CNTNAP5: variants seen among roughly 807,000 people sequenced by gnomAD.
The protein encoded by CNTNAP5 is contactin associated protein family member 5.
In CNTNAP5, 72 loss-of-function variants were observed where a neutral mutation model predicts 150.2. The ratio of observed to expected loss-of-function variants is 0.48; its 90% CI spans 0.40 to 0.58. The LOEUF is 0.58. Among genes scored for constraint, CNTNAP5 ranks in the 20% least tolerant of loss-of-function variants. The probability of loss-of-function intolerance (pLI) is 0.00; values close to 1 mark genes in which losing one functional copy is unlikely to be tolerated. For synonymous variants in CNTNAP5, 672 were observed against 619.8 expected (o/e 1.08, Z -1.25); for missense variants, 1,636 against 1,626.2 (o/e 1.01, Z -0.10).
At chr2:124,582,305 C>A (rs1244936031) in intron 11 of CNTNAP5, among the ~76,000 whole-genome samples, 1 of 152,116 alleles carries the variant, frequency 6.6e-6, no homozygotes, top group African/African-American at 2.4e-5. Context: ...TGTTGCTCAC[C>A]TGGCTTTACT....
At chr2:124,864,546 G>GTCTC (rs374205214) in intron 19 of CNTNAP5, among the ~76,000 whole-genome samples, 10 of 133,922 alleles carry the variant, frequency 7.5e-5, no homozygotes, top group African/African-American at 2.9e-4. Context: ...CTCTCTCTCT[G>GTCTC]TCTCTCTCTC....
chr2:124,363,705 T>C (rs988285315), intron 3 of CNTNAP5, among the ~76,000 whole-genome samples: 2 of 152,192 alleles, frequency 1.3e-5, no homozygotes, highest in African/African-American at 4.8e-5. Context: ...TTAAGTATTC[T>C]TACCACATAC....
At chr2:124,648,028 A>G (rs892445101) in intron 13 of CNTNAP5, 70 bp downstream of exon 13, 5 of 1,425,386 alleles carry the variant, frequency 3.5e-6, no homozygotes, top group Non-Finnish European at 3.8e-6. Context: ...TAGGCAAAGG[A>G]AAATTTGCCA....
intron 1 of CNTNAP5, among the ~76,000 whole-genome samples, chr2:124,043,586 G>A (rs1181158792): frequency 1.3e-5 from 2 of 151,692 alleles, no homozygotes; most frequent in Non-Finnish European, 2.9e-5. Flanking sequence ...TCTCCTATTT[G>A]TAGTGTATTC....
intron 3 of CNTNAP5, among the ~76,000 whole-genome samples, chr2:124,342,613 G>T (rs1689644954): frequency 6.6e-6 from 1 of 152,076 alleles, no homozygotes; most frequent in South Asian, 2.1e-4. Context: ...AATTCGTATT[G>T]AACTTAGGTA....
At chr2:124,538,924 A>G (rs907515402) in intron 10 of CNTNAP5, among the ~76,000 whole-genome samples, 4 of 152,176 alleles carry the variant, frequency 2.6e-5, no homozygotes, top group Non-Finnish European at 5.9e-5. Context: ...TCTGTTTCTC[A>G]TGTTCTCTAA....
intron 10 of CNTNAP5, among the ~76,000 whole-genome samples, chr2:124,538,464 T>A (rs1346265922): frequency 6.7e-6 from 1 of 149,636 alleles, no homozygotes; most frequent in Admixed American, 6.7e-5. Flanking sequence ...GGTGACACAG[T>A]GTGTGAGACT....
At chr2:124,494,264 G>T (rs1319473590) in intron 7 of CNTNAP5, among the ~76,000 whole-genome samples, 1 of 152,076 alleles carries the variant, frequency 6.6e-6, no homozygotes, top group African/African-American at 2.4e-5. Context: ...TAACTCTCAG[G>T]CTGAGGCCAA....
At chr2:124,828,917 G>C (rs1444731658) in intron 19 of CNTNAP5, among the ~76,000 whole-genome samples, 2 of 151,928 alleles carry the variant, frequency 1.3e-5, no homozygotes, top group African/African-American at 2.4e-5. Flanking sequence ...TACATATGGG[G>C]GTGGGGGTTC....
At chr2:124,402,529 C>A (rs1193718655) in intron 3 of CNTNAP5, among the ~76,000 whole-genome samples, 2 of 152,196 alleles carry the variant, frequency 1.3e-5, no homozygotes, top group Admixed American at 6.5e-5. Flanking sequence ...GCCAGCTTTT[C>A]TCTAGTGTTG....
At chr2:124,876,962 G>T (rs577002958) in intron 21 of CNTNAP5, among the ~76,000 whole-genome samples, 1 of 152,024 alleles carries the variant, frequency 6.6e-6, no homozygotes, top group Admixed American at 6.6e-5. Flanking sequence ...TCCCAAACAC[G>T]CATGTCTTAT....
At chr2:124,791,693 C>CT (rs538796535) in intron 18 of CNTNAP5, among the ~76,000 whole-genome samples, 6,598 of 115,322 alleles carry the variant, frequency 0.057, 539 homozygotes, top group African/African-American at 0.17. Context: ...AGCCTAATTT[C>CT]TTTTTTTTTT....
intron 3 of CNTNAP5, among the ~76,000 whole-genome samples, chr2:124,308,691 G>A (rs1480740628): frequency 1.3e-5 from 2 of 152,064 alleles, no homozygotes; most frequent in Non-Finnish European, 2.9e-5. Flanking sequence ...TGAAGTATCA[G>A]GTGTTTTAAT....
chr2:124,109,839 G>A (rs1573759969), intron 1 of CNTNAP5, among the ~76,000 whole-genome samples: 2 of 152,246 alleles, frequency 1.3e-5, no homozygotes, highest in Admixed American at 6.5e-5. Context: ...CACTATTAAC[G>A]GCACTTTATT....
chr2:124,268,506 A>T (rs1687668095), intron 3 of CNTNAP5, among the ~76,000 whole-genome samples: 1 of 152,196 alleles, frequency 6.6e-6, no homozygotes, highest in East Asian at 1.9e-4. Context: ...CCAAATCGTA[A>T]ATAGAGGCCT....
At chr2:124,045,293 C>CT (rs5834033) in intron 1 of CNTNAP5, among the ~76,000 whole-genome samples, 130,146 of 138,490 alleles carry the variant, frequency 0.94, 61,529 homozygotes, top group South Asian at 0.99. Flanking sequence ...TTTTCTTTTC[C>CT]TTTTTTTTTT....
intron 7 of CNTNAP5, among the ~76,000 whole-genome samples, chr2:124,484,208 T>C (rs1271721997): frequency 1.3e-5 from 2 of 152,256 alleles, no homozygotes; most frequent in Non-Finnish European, 2.9e-5. Context: ...GGCTTGGATA[T>C]GGTAGATGCA....
intron 21 of CNTNAP5, among the ~76,000 whole-genome samples, chr2:124,886,149 T>C (rs892008682): frequency 3.9e-5 from 6 of 152,104 alleles, no homozygotes; most frequent in Non-Finnish European, 5.9e-5. Context: ...ATTTATTCTT[T>C]TAATTATCCT....
At chr2:124,130,473 A>G (rs1295795816) in intron 1 of CNTNAP5, among the ~76,000 whole-genome samples, 1 of 152,074 alleles carries the variant, frequency 6.6e-6, no homozygotes, top group African/African-American at 2.4e-5. Context: ...TAGCCTATTC[A>G]TGGGCTGACC....
Sources: gnomAD v4.1 joint callset for allele counts (sites outside exome capture counted in the v4.1 genomes callset) on GRCh38, gnomAD v4.1.1 for gene constraint, MANE v1.5 for transcripts, NCBI Gene and HGNC (gene_info 2026-07-23, HGNC 2026-07-21) for gene names.